CPT1C: variants seen among roughly 807,000 people sequenced by gnomAD.
The protein encoded by CPT1C is carnitine palmitoyltransferase 1C.
In CPT1C, 61 loss-of-function variants were observed where a neutral mutation model predicts 97.3. The observed-to-expected ratio is 0.63, with a 90% CI of 0.51 to 0.78. The LOEUF (loss-of-function observed/expected upper bound fraction) is 0.78, where lower values mean the gene tolerates loss of function less well. CPT1C is among the 30% of genes least tolerant of loss of function. The probability of loss-of-function intolerance (pLI) is 0.00; values close to 1 mark genes in which losing one functional copy is unlikely to be tolerated. For synonymous variants in CPT1C, 469 were observed against 447.2 expected, an observed-to-expected ratio of 1.05 and a Z score of -0.61; for missense variants, 975 against 1,065.5, an observed-to-expected ratio of 0.92 and a Z score of 1.18.
At chr19:49,711,745 G>C (rs1012164534) in intron 16 of CPT1C, 64 bp from the exon 17 acceptor site, 1 of 1,520,678 alleles carries the variant, frequency 6.6e-7, no homozygotes, top group Non-Finnish European at 8.9e-7. Flanking sequence ...CAGATGTGCC[G>C]CAGGCCCAGC....
intron 8 of CPT1C, 101 bp downstream of exon 8, chr19:49,704,888 G>T (rs907198310): frequency 6.4e-6 from 9 of 1,410,460 alleles, no homozygotes; most frequent in Non-Finnish European, 9.0e-6. Context: ...ATCTAGACGC[G>T]CCATCTGGGA....
At chr19:49,704,093 G>C (rs899505863) in intron 7 of CPT1C, among the ~76,000 whole-genome samples, 1 of 152,150 alleles carries the variant, frequency 6.6e-6, no homozygotes, top group Non-Finnish European at 1.5e-5. Context: ...GTATTGGCAA[G>C]GCCACAATTT....
chr19:49,709,451 C>T (rs528693594), intron 14 of CPT1C, among the ~76,000 whole-genome samples: 55 of 151,922 alleles, frequency 3.6e-4, no homozygotes, highest in Middle Eastern at 3.4e-3. Context: ...CCGTTCTATT[C>T]CCAAACCACT....
At chr19:49,697,594 A>C in intron 4 of CPT1C, 129 bp downstream of exon 4, 7 of 1,106,982 alleles carry the variant, frequency 6.3e-6, no homozygotes, top group South Asian at 1.6e-5. Flanking sequence ...CAGATTAATA[A>C]AGGCATGGCA....
chr19:49,710,723 G>A lies in CPT1C; in HGVS notation c.1732G>A (p.Asp578Asn), dbSNP rs1187584591. The change falls in exon 16 of 20, where the codon GAC becomes AAC. Residue 578 changes from aspartate (D) to asparagine (N), a missense_variant and splice_region_variant. Asp to Asn is a conservative substitution (Grantham distance 23, BLOSUM62 1). This residue lies in a region of CPT1C where 344 missense variants were observed against 395.7 expected (regional missense o/e 0.87). Transcript: ENST00000598293. ...QIALQLAHFR[D>N]RGQFCLTYES... is the part of the protein sequence containing the mutation. ...TCCTCTTCTCCTCCCTGTCCCCCAG[G>A]ACAGGGGTCAATTCTGCCTGACTTA... 1 of 1,612,254 alleles carries A rather than the reference G, an allele frequency of 6.2e-7. No individual in the cohort carries two copies. Among genetic ancestry groups the A allele is most frequent in the Non-Finnish European group, 8.5e-7 (1 of 1,178,586 alleles).
rs1218764126 is a variant in CPT1C at position 49,710,527 on chromosome 19, C to T, written c.1731+43C>T. The T allele has an allele frequency of 2.5e-6, 4 of 1,608,488 alleles. No individual in the cohort carries two copies. In the African/African-American group the frequency reaches 5.3e-5, roughly 21 times the overall value. ...TCCACAGCCCCCGCAGGGTCTCAGT[C>T]CACCTGAGCCCCCAAGACCTGCCCC... is the stretch of plus-strand genomic sequence containing the variant. On this transcript the variant is annotated intron_variant, in intron 15 of 19. Transcript: ENST00000598293.
chr19:49,706,490 G>C lies in CPT1C; in HGVS notation c.1343+77G>C. On this transcript the variant is annotated intron_variant, in intron 12 of 19. Transcript: ENST00000598293. The surrounding 1 kb of genome is among the most constrained non-coding windows in gnomAD (Gnocchi z 4.8). ...ATCAGACCTAGGACCCCTGACAGTA[G>C]ACAGCCAGACCCTGGAGCCCACACC... The C allele has an allele frequency of 8.0e-7, 1 of 1,255,622 alleles. No homozygotes were observed. Among genetic ancestry groups the C allele is most frequent in the Non-Finnish European group, 1.0e-6 (1 of 965,566 alleles). The allele number at this position is 1,255,622 out of a possible 1,614,324, so 77.8% of individuals were successfully genotyped here.
chr19:49,712,968 C>T lies in CPT1C; in HGVS notation c.2134-4C>T. On this transcript the variant is annotated splice_polypyrimidine_tract_variant and splice_region_variant and intron_variant, in intron 18 of 19. Coordinates refer to ENST00000598293, the MANE Select transcript of CPT1C (RefSeq NM_001199753.2). ...TTTCTTCCCTTCACTCTTTCCGTCT[C>T]CAGGCTGATGACCATGGTTATGGTG... The T allele has an allele frequency of 6.2e-7, 1 of 1,613,484 alleles. No homozygotes were observed. Among genetic ancestry groups the T allele is most frequent in the Non-Finnish European group, 8.5e-7 (1 of 1,179,508 alleles).
intron 13 of CPT1C, among the ~76,000 whole-genome samples, chr19:49,708,002 C>CAAAA (rs60276067): frequency 4.2e-4 from 24 of 56,770 alleles, no homozygotes; most frequent in East Asian, 1.3e-3. Flanking sequence ...GAATACATCT[C>CAAAA]AAAAAAAAAA....
chr19:49,702,026 T>TATATATATTTATTTATAAATTATAA (rs1555779100), intron 7 of CPT1C, among the ~76,000 whole-genome samples: 1 of 9,640 alleles, frequency 1.0e-4, no homozygotes, highest in Non-Finnish European at 2.2e-4. Flanking sequence ...ATTTATAAAT[T>TATATATATTTATTTATAAATTATAA]ATAAATATAT....
intron 4 of CPT1C, 91 bp downstream of exon 4, chr19:49,697,556 AAAGT>A: frequency 6.9e-7 from 1 of 1,440,510 alleles, no homozygotes; most frequent in Non-Finnish European, 9.5e-7. Flanking sequence ...CTGCTAAAGA[AAAGT>A]AACCTCTGAG....
intron 7 of CPT1C, among the ~76,000 whole-genome samples, chr19:49,701,944 T>A (rs1267516525): frequency 2.2e-5 from 2 of 90,552 alleles, no homozygotes; most frequent in South Asian, 5.7e-4. Context: ...ATTTATAAAT[T>A]TATATATAAA....
At chr19:49,697,623 G>C (rs770073437) in intron 4 of CPT1C, 158 bp downstream of exon 4, 225 of 857,488 alleles carry the variant, frequency 2.6e-4, no homozygotes, top group South Asian at 9.2e-4. Context: ...AAGGAGGTGA[G>C]GCCGGGCACA....
rs755112332 is a variant in CPT1C at position 49,706,108 on chromosome 19, A to AGGGTCAG, written c.1160+22_1160+28dup. ...CAGCTCTGACAGCTGCTCCCAGGTA[A>AGGGTCAG]GGGTCAGGGGTCAGGGGTCAGGGGC... On this transcript the variant is annotated splice_donor_region_variant and intron_variant, in intron 11 of 19. Coordinates refer to ENST00000598293, the MANE Select transcript of CPT1C (RefSeq NM_001199753.2). The surrounding 1 kb of genome is among the most constrained non-coding windows in gnomAD (Gnocchi z 4.8). 13 of 1,612,202 alleles carry AGGGTCAG rather than the reference A, an allele frequency of 8.1e-6. No homozygotes were observed. In the East Asian group the frequency reaches 1.1e-4, roughly 14 times the overall value.
chr19:49,698,825 G>C (rs949261546), intron 4 of CPT1C, among the ~76,000 whole-genome samples: 4 of 151,346 alleles, frequency 2.6e-5, no homozygotes, highest in African/African-American at 9.7e-5. Flanking sequence ...CCTGTCGGCG[G>C]GATGTGGTGA....
chr19:49,691,414 C>T (rs900354198), intron 1 of CPT1C, 74 bp downstream of exon 1: 1 of 152,034 alleles, frequency 6.6e-6, no homozygotes, highest in African/African-American at 2.4e-5. Flanking sequence ...GCGTGCAAGC[C>T]TCTCCATCAC....
chr19:49,711,580 G>A (rs72626236), intron 16 of CPT1C: 13,767 of 568,010 alleles, frequency 0.024, 839 homozygotes, highest in East Asian at 0.13. Context: ...GAAGGAGTTT[G>A]GACTCTGGGG....
chr19:49,712,587 A>G (rs998400995), intron 17 of CPT1C, 149 bp from the exon 18 acceptor site: 2 of 632,602 alleles, frequency 3.2e-6, no homozygotes, highest in Non-Finnish European at 2.9e-6. Context: ...GTGGCCAGAT[A>G]GGGCGTGGTC....
Position 49,698,225 on chromosome 19 carries a change from A to T in CPT1C, c.281+760A>T, listed in dbSNP as rs554806524. On this transcript the variant is annotated intron_variant, in intron 4 of 19. Coordinates refer to ENST00000598293, the MANE Select transcript of CPT1C (RefSeq NM_001199753.2). ...ACTAAAAATAACAAAAAATTAGCCA[A>T]GTGTGGTGTCACTTACCTGTGGTCC... 2.0e-5 allele frequency among the ~76,000 whole-genome samples: 3 copies of T among 151,070 alleles called. 1 individual carries two copies. The South Asian group carries it at 6.3e-4, about 32-fold the overall frequency.
Sources: gnomAD v4.1 joint callset for allele counts (sites outside exome capture counted in the v4.1 genomes callset) on GRCh38, gnomAD v4.1.1 for gene constraint, gnomAD v4.1.1 regional missense constraint, Gnocchi (gnomAD v3.1) non-coding constraint, MANE v1.5 for transcripts, NCBI Gene and HGNC (gene_info 2026-07-23, HGNC 2026-07-21) for gene names.